Variants in ENTPD1 observed in about 807,000 individuals in gnomAD.
ENTPD1 encodes ATP diphosphohydrolase.
ENTPD1 carries 33 observed loss-of-function variants against 57.0 expected under a neutral mutation model. The observed-to-expected ratio is 0.58, with a 90% CI of 0.44 to 0.77. The LOEUF is 0.77. Ranked by LOEUF, ENTPD1 falls within the 30% of genes least tolerant of loss-of-function variation. ENTPD1 has a pLI of 0.00. For missense variants in ENTPD1, 501 were observed against 603.4 expected (o/e 0.83, Z 1.78); for synonymous variants, 202 against 218.8 (o/e 0.92, Z 0.68).
intron 1 of ENTPD1, among the ~76,000 whole-genome samples, chr10:95,798,712 T>C (rs756811529): frequency 2.6e-5 from 4 of 152,202 alleles, no homozygotes; most frequent in Admixed American, 1.3e-4. Flanking sequence ...GAATTTCAAA[T>C]ATTTTACAAG....
chr10:95,761,506 T>C (rs1297701616), intron 1 of ENTPD1, among the ~76,000 whole-genome samples: 1 of 152,124 alleles, frequency 6.6e-6, no homozygotes, highest in Non-Finnish European at 1.5e-5. Context: ...ATGACCAAGC[T>C]CTTCCCACCC....
At position 95,871,277 on chromosome 10, in the gene ENTPD1, C is replaced by T. The variant is rs1778978545; in HGVS notation, c.*4894C>T. ...TTAACTGAAATATAAAATGTGTTTA[C>T]TGTAAAATATAATCTGTTTATCTCA... On this transcript the variant is annotated 3_prime_UTR_variant, in exon 10 of 10. Transcript: ENST00000371205. 1 of 984,536 alleles carries T rather than the reference C, an allele frequency of 1.0e-6. No individual in the cohort carries two copies. Among genetic ancestry groups the T allele is most frequent in the Non-Finnish European group, 1.2e-6 (1 of 829,228 alleles). 61.0% of individuals were successfully genotyped at this position (984,536 alleles called of 1,614,324 possible). A position where few individuals can be genotyped will look rare whatever the true frequency, so the allele number is the denominator to read the frequency against.
chr10:95,751,054 A>T (rs2098011246), upstream of ENTPD1, among the ~76,000 whole-genome samples: 1 of 152,182 alleles, frequency 6.6e-6, no homozygotes, highest in Non-Finnish European at 1.5e-5. Flanking sequence ...TCAGAGTTTT[A>T]TAAGGATTAT....
chr10:95,838,933 T>C (rs2098416796), intron 2 of ENTPD1, among the ~76,000 whole-genome samples: 1 of 152,200 alleles, frequency 6.6e-6, no homozygotes, highest in South Asian at 2.1e-4. Context: ...CCTTTTTTTC[T>C]TCTTTTCATC....
Position 95,844,682 on chromosome 10 carries a change from G to A in ENTPD1, c.573+47G>A, listed in dbSNP as rs372071766. On this transcript the variant is annotated intron_variant, in intron 5 of 9. Transcript: ENST00000371205. Reference sequence around the variant, plus strand: ...TGGAGGTGGCTCTCTGGAGGCCAATGCCATTGCTATCTCAGGCAGTACTTG... The same window carrying A: ...TGGAGGTGGCTCTCTGGAGGCCAATACCATTGCTATCTCAGGCAGTACTTG... 3.7e-6 allele frequency: 6 copies of A among 1,610,660 alleles called. No homozygotes were observed. In the African/African-American group the frequency reaches 8.0e-5, roughly 21 times the overall value.
chr10:95,704,860 TTA>T, the ENTPD1 span, among the ~76,000 whole-genome samples: 85,016 of 149,542 alleles, frequency 0.57, 25,727 homozygotes, highest in Non-Finnish European at 0.67. Flanking sequence ...TGGTAAAATA[TTA>T]TATATATATA....
intron 1 of ENTPD1, among the ~76,000 whole-genome samples, chr10:95,813,668 G>A (rs1395144916): frequency 2.0e-5 from 3 of 152,142 alleles, no homozygotes; most frequent in East Asian, 1.9e-4. Flanking sequence ...AGGTTTCTCT[G>A]GGGTCCCCTT....
chr10:95,851,505 A>G (rs565678703), intron 7 of ENTPD1, among the ~76,000 whole-genome samples: 5 of 151,980 alleles, frequency 3.3e-5, no homozygotes, highest in African/African-American at 1.2e-4. Context: ...ATGTATACAT[A>G]CGCCATGTTG....
chr10:95,794,966 T>C (rs1404215940), intron 1 of ENTPD1, among the ~76,000 whole-genome samples: 2 of 152,206 alleles, frequency 1.3e-5, no homozygotes, highest in East Asian at 3.8e-4. Context: ...ACGGGCTAGA[T>C]AAAGGATTGT....
intron 1 of ENTPD1, among the ~76,000 whole-genome samples, chr10:95,749,938 C>T (rs115546088): frequency 0.034 from 5,143 of 152,048 alleles, 120 homozygotes; most frequent in Non-Finnish European, 0.049. Flanking sequence ...GGGAGGAGAC[C>T]AGTGAGGAGG....
At chr10:95,809,555 G>T (rs2098290605) in intron 1 of ENTPD1, among the ~76,000 whole-genome samples, 1 of 142,164 alleles carries the variant, frequency 7.0e-6, no homozygotes, top group Admixed American at 7.0e-5. Context: ...TCCCAGATGG[G>T]GCGGATGCTG....
chr10:95,834,662 A>C (rs2098405195), intron 2 of ENTPD1, among the ~76,000 whole-genome samples: 1 of 152,138 alleles, frequency 6.6e-6, no homozygotes, highest in Non-Finnish European at 1.5e-5. Context: ...TGTAGGTAGA[A>C]TTGTTTCCAT....
At position 95,868,723 on chromosome 10, in the gene ENTPD1, A is replaced by C; in HGVS notation, c.*2340A>C. On this transcript the variant is annotated 3_prime_UTR_variant, in exon 10 of 10. Transcript: ENST00000371205. Reference sequence around the variant, plus strand: ...AACTCATGTCTTCTGGTTGAAGCCTATTGCTTTTTCTTTTCTAAACACTTT... The same window carrying C: ...AACTCATGTCTTCTGGTTGAAGCCTCTTGCTTTTTCTTTTCTAAACACTTT... The C allele has an allele frequency of 2.0e-6, 2 of 984,812 alleles. No individual in the cohort carries two copies. The highest frequency in any genetic ancestry group is 2.4e-6 in the Non-Finnish European group (2 of 829,462). 61.0% of individuals were successfully genotyped at this position (984,812 alleles called of 1,614,324 possible).
intron 2 of ENTPD1, among the ~76,000 whole-genome samples, chr10:95,836,881 A>G (rs2098411048): frequency 6.6e-6 from 1 of 152,206 alleles, no homozygotes; most frequent in Non-Finnish European, 1.5e-5. Context: ...AAATGCTCAA[A>G]TTGAACTTTC....
At chr10:95,745,623 C>A (rs1169427507) in intron 1 of ENTPD1, among the ~76,000 whole-genome samples, 1 of 152,102 alleles carries the variant, frequency 6.6e-6, no homozygotes, top group African/African-American at 2.4e-5. Context: ...GTAAGAGAAT[C>A]CACTCATGCA....
intron 1 of ENTPD1, among the ~76,000 whole-genome samples, chr10:95,796,954 C>A (rs1356508030): frequency 6.6e-6 from 1 of 151,800 alleles, no homozygotes; most frequent in Non-Finnish European, 1.5e-5. Context: ...CGCCCGTAGT[C>A]CCTAGCTACT....
rs2097991913 is a variant in ENTPD1, at chr10:95,734,013, G to C, written c.37+22020G>C. On this transcript the variant is annotated intron_variant, in intron 1 of 9. Transcript: ENST00000453258. ...CCTGTTCTGTGGTCATGTCCTGCTG[G>C]GTAATACGTCAGAAAGGACAGCTGC... Among the ~76,000 whole-genome samples, 2 of 152,114 alleles carry C rather than the reference G, an allele frequency of 1.3e-5. 1 individual carries two copies. The highest frequency in any genetic ancestry group is 1.3e-4 in the Admixed American group (2 of 15,258).
At chr10:95,703,306 C>T in the ENTPD1 span, among the ~76,000 whole-genome samples, 127,871 of 152,110 alleles carry the variant, frequency 0.84, 54,304 homozygotes, top group Non-Finnish European at 0.91. Context: ...TGATCTCAGA[C>T]GGATGCATGG....
chr10:95,853,584 T>G (rs1236535183), intron 7 of ENTPD1, among the ~76,000 whole-genome samples: 3 of 152,238 alleles, frequency 2.0e-5, no homozygotes, highest in Non-Finnish European at 4.4e-5. Flanking sequence ...TAGATAGCTC[T>G]TATTATTTTG....
Sources: allele counts gnomAD v4.1 joint callset (sites outside exome capture counted in the v4.1 genomes callset), GRCh38; gene constraint gnomAD v4.1.1; transcripts MANE v1.5; gene names NCBI Gene and HGNC (gene_info 2026-07-23, HGNC 2026-07-21).